The following WDPCP variants were observed in gnomAD, a reference collection of about 807,000 sequenced individuals.
The protein encoded by WDPCP is WD repeat-containing and planar cell polarity effector protein fritz homolog.
A neutral mutation model predicts 93.1 loss-of-function variants in WDPCP; 71 were observed. The observed-to-expected ratio is 0.76, with a 90% CI of 0.63 to 0.93. The LOEUF is 0.93. Among genes scored for constraint, WDPCP ranks in the 40% least tolerant of loss-of-function variants. WDPCP has a pLI of 0.00. For missense variants in WDPCP, 844 were observed against 887.4 expected, an observed-to-expected ratio of 0.95 and a Z score of 0.62; for synonymous variants, 315 against 315.0, an observed-to-expected ratio of 1.00 and a Z score of 0.00.
intron 2 of WDPCP, 22 bp downstream of exon 2, chr2:63,492,832 GAA>G (rs1373723095): frequency 6.2e-7 from 1 of 1,604,542 alleles, no homozygotes; most frequent in Non-Finnish European, 8.5e-7. Flanking sequence ...GAAAAATATT[GAA>G]ATTAATCCAG....
At chr2:63,346,766 C>T (rs1166835970) in intron 12 of WDPCP, among the ~76,000 whole-genome samples, 2 of 152,168 alleles carry the variant, frequency 1.3e-5, no homozygotes, top group Non-Finnish European at 1.5e-5. Context: ...CCTCATCTTC[C>T]CTGAACTCCA....
intron 6 of WDPCP, among the ~76,000 whole-genome samples, chr2:63,451,826 A>C (rs1021015778): frequency 6.6e-6 from 1 of 152,244 alleles, no homozygotes; most frequent in African/African-American, 2.4e-5. Flanking sequence ...GCATATAAAC[A>C]GAACCAACGA....
intron 6 of WDPCP, among the ~76,000 whole-genome samples, chr2:63,452,977 A>C (rs1271702522): frequency 1.3e-5 from 2 of 152,224 alleles, no homozygotes; most frequent in Admixed American, 1.3e-4. Flanking sequence ...TTAGACCTAA[A>C]ACCATAAAAA....
chr2:63,193,256 GT>G (rs1185850055), intron 14 of WDPCP, among the ~76,000 whole-genome samples: 1 of 152,002 alleles, frequency 6.6e-6, no homozygotes, highest in Non-Finnish European at 1.5e-5. Flanking sequence ...CATTTTAGGT[GT>G]TTTTTATTTT....
At chr2:63,564,640 A>G (rs1006224729) in intron 1 of WDPCP, 2 of 152,232 alleles carry the variant, frequency 1.3e-5, no homozygotes, top group Non-Finnish European at 2.9e-5. Context: ...ATGAAAAATC[A>G]AAGTTAAAAT....
chr2:63,165,937 T>G (rs1422155070), intron 15 of WDPCP, among the ~76,000 whole-genome samples: 1 of 152,062 alleles, frequency 6.6e-6, no homozygotes, highest in East Asian at 1.9e-4. Flanking sequence ...TTGTTTGTTT[T>G]GTTTTGTTCT....
intron 14 of WDPCP, among the ~76,000 whole-genome samples, chr2:63,257,385 A>G (rs1353891073): frequency 6.6e-6 from 1 of 152,294 alleles, no homozygotes; most frequent in East Asian, 1.9e-4. Flanking sequence ...GCAAAAAAGA[A>G]CTAGGTAGAG....
At chr2:63,393,852 G>C (rs1693488757) in intron 10 of WDPCP, among the ~76,000 whole-genome samples, 1 of 152,098 alleles carries the variant, frequency 6.6e-6, no homozygotes, top group Non-Finnish European at 1.5e-5. Flanking sequence ...ATTGTACTGG[G>C]ATAACTGGCT....
rs1215200298 is a variant in WDPCP at position 63,327,269 on chromosome 2, A to G, written c.1749-13958T>C. ...TTTGCACTCAGCCAAATCTTAAAGT[A>G]CTTACAGAATCAGGAAGGAGCCATC... On this transcript the variant is annotated intron_variant, in intron 12 of 17. Coordinates refer to ENST00000272321, the MANE Select transcript of WDPCP (RefSeq NM_015910.7). Among the ~76,000 whole-genome samples the G allele has an allele frequency of 3.3e-5, 5 of 152,204 alleles. 1 individual carries two copies. The highest frequency in any genetic ancestry group is 3.3e-4 in the Admixed American group (5 of 15,280).
At chr2:63,568,887 A>G (rs1346464001) in intron 1 of WDPCP, among the ~76,000 whole-genome samples, 1 of 152,246 alleles carries the variant, frequency 6.6e-6, no homozygotes, top group East Asian at 1.9e-4. Context: ...AACATAAAGT[A>G]CACTGATTTC....
At chr2:63,838,721 C>T in the WDPCP span, among the ~76,000 whole-genome samples, 3 of 152,126 alleles carry the variant, frequency 2.0e-5, no homozygotes, top group Admixed American at 6.5e-5. Context: ...CACATACTTG[C>T]CCAGAGAAAG....
intron 2 of WDPCP, among the ~76,000 whole-genome samples, chr2:63,745,325 T>G (rs1279852939): frequency 6.6e-6 from 1 of 152,224 alleles, no homozygotes; most frequent in Non-Finnish European, 1.5e-5. Flanking sequence ...AATGTTTTAA[T>G]ATCTCATTTC....
At chr2:63,792,049 T>C (rs1670553194) in intron 2 of WDPCP, among the ~76,000 whole-genome samples, 1 of 152,192 alleles carries the variant, frequency 6.6e-6, no homozygotes, top group Admixed American at 6.6e-5. Flanking sequence ...TATTGAGCTC[T>C]GGAGGTACAA....
chr2:63,534,478 T>C (rs1005901527), intron 1 of WDPCP, among the ~76,000 whole-genome samples: 21 of 152,148 alleles, frequency 1.4e-4, no homozygotes, highest in Non-Finnish European at 2.5e-4. Flanking sequence ...ACTGGCAAAC[T>C]GAATCCAGCA....
rs1489689308 is a variant in WDPCP, at chr2:63,494,104, G to C, written c.76-1164C>G. On this transcript the variant is annotated intron_variant, in intron 1 of 17. Coordinates refer to ENST00000272321, the MANE Select transcript of WDPCP (RefSeq NM_015910.7). ...ACTTACAATCAAGAAACAGATGCATGTTGAACTAATGAGATATAGTATGCT... is the reference window on the plus strand; with the variant it reads ...ACTTACAATCAAGAAACAGATGCATCTTGAACTAATGAGATATAGTATGCT... Among the ~76,000 whole-genome samples the C allele has an allele frequency of 2.0e-5, 3 of 152,086 alleles. No homozygotes were observed. The East Asian group carries it at 5.8e-4, about 29-fold the overall frequency.
chr2:63,122,095 A>T, intron 17 of WDPCP, 39 bp from the exon 18 acceptor site: 1 of 1,482,338 alleles, frequency 6.7e-7, no homozygotes, highest in Non-Finnish European at 9.4e-7. Flanking sequence ...TAAGCAGAGT[A>T]AAAAGTAATT....
Position 63,404,209 on chromosome 2 carries a change from G to C in WDPCP, c.1274C>G (p.Thr425Ser). The C allele has an allele frequency of 6.2e-7, 1 of 1,613,872 alleles. No individual in the cohort carries two copies. The highest frequency in any genetic ancestry group is 8.5e-7 in the Non-Finnish European group (1 of 1,179,872). Reference protein sequence around the residue: ...LLAEDRLPRETLQFSKLFDAS... With the variant: ...LLAEDRLPRESLQFSKLFDAS... ...ATCAAATAATTTACTGAATTGCAGA[G>C]TCTCCCTGGGTAAGCGGTCTTCAGC... The change falls in exon 10 of 18, where the codon ACT (threonine) becomes AGT (serine). Residue 425 changes from threonine (T) to serine (S), a missense_variant. Physicochemically the swap from Thr to Ser is moderately conservative, Grantham distance 58. Transcript: ENST00000272321.
intron 2 of WDPCP, among the ~76,000 whole-genome samples, chr2:63,771,022 A>G (rs1670218068): frequency 6.6e-6 from 1 of 151,732 alleles, no homozygotes; most frequent in African/African-American, 2.4e-5. Flanking sequence ...TTAAAAATAA[A>G]TATTTTAAAT....
intron 2 of WDPCP, among the ~76,000 whole-genome samples, chr2:63,669,875 T>C (rs1023018049): frequency 6.6e-6 from 1 of 152,136 alleles, no homozygotes; most frequent in African/African-American, 2.4e-5. Flanking sequence ...GGACAGTACA[T>C]GGAGCTCCTG....
Sources: allele counts gnomAD v4.1 joint callset (sites outside exome capture counted in the v4.1 genomes callset), GRCh38; gene constraint gnomAD v4.1.1; transcripts MANE v1.5; gene names NCBI Gene and HGNC (gene_info 2026-07-23, HGNC 2026-07-21).